The following ATP8B4 variants were observed in gnomAD, a reference collection of about 807,000 sequenced individuals.
ATP8B4 encodes ATPase phospholipid transporting 8B4 (putative), also known as probable phospholipid-transporting ATPase IM.
In ATP8B4, 133 loss-of-function variants were observed where a neutral mutation model predicts 145.6. The ratio of observed to expected loss-of-function variants is 0.91; its 90% CI spans 0.79 to 1.05. ATP8B4 has a LOEUF of 1.05. ATP8B4 is among the 50% of genes least tolerant of loss of function. The pLI, the probability that ATP8B4 is intolerant of heterozygous loss-of-function variation, is 0.00. For synonymous variants in ATP8B4, 507 were observed against 492.9 expected, an observed-to-expected ratio of 1.03 and a Z score of -0.38; for missense variants, 1,458 against 1,425.2, an observed-to-expected ratio of 1.02 and a Z score of -0.37.
chr15:50,002,771 G>A (rs1227140049), intron 7 of ATP8B4, among the ~76,000 whole-genome samples: 1 of 152,066 alleles, frequency 6.6e-6, no homozygotes, highest in East Asian at 1.9e-4. Context: ...GGAGAGCTAA[G>A]ATAAAGTAGG....
intron 3 of ATP8B4, among the ~76,000 whole-genome samples, chr15:50,071,703 T>C (rs996088383): frequency 6.6e-6 from 1 of 152,214 alleles, no homozygotes; most frequent in African/African-American, 2.4e-5. Flanking sequence ...AATGACCATA[T>C]GTCAGGAGGC....
intron 7 of ATP8B4, among the ~76,000 whole-genome samples, chr15:50,003,132 C>T (rs1428663563): frequency 6.6e-6 from 1 of 152,058 alleles, no homozygotes; most frequent in East Asian, 1.9e-4. Flanking sequence ...ATTGGCATTC[C>T]AAATCTGTGA....
Position 50,086,897 on chromosome 15 carries a change from TAG to T in ATP8B4, c.29-12714_29-12713del, listed in dbSNP as rs1365298891. Among the ~76,000 whole-genome samples, 11 of 85,304 alleles carry T rather than the reference TAG, an allele frequency of 1.3e-4. 1 individual carries two copies. The highest frequency in any genetic ancestry group is 2.3e-4 in the Non-Finnish European group (11 of 47,358). The allele number at this position is 85,304 out of a possible 152,430, so 56.0% of individuals were successfully genotyped here. A position where few individuals can be genotyped will look rare whatever the true frequency, so the allele number is the denominator to read the frequency against. ...ATATTTATTATATATAATAAAATAA[TAG>T]AGATCTATATTATTATATATAATAA... On this transcript the variant is annotated intron_variant, in intron 2 of 27. Transcript: ENST00000284509.
intron 1 of ATP8B4, among the ~76,000 whole-genome samples, chr15:50,133,636 TCA>T (rs1233963738): frequency 2.0e-5 from 3 of 151,680 alleles, no homozygotes; most frequent in Non-Finnish European, 4.4e-5. Flanking sequence ...AAAGTCAAAC[TCA>T]CAGAAGCAGA....
In ATP8B4 at chr15:50,168,584, G is replaced by C. The variant is rs574312586; in HGVS notation, c.-43+13677C>G. Among the ~76,000 whole-genome samples the C allele has an allele frequency of 4.6e-5, 7 of 152,306 alleles. No individual in the cohort carries two copies. In the East Asian group the frequency reaches 1.4e-3, roughly 29 times the overall value. On this transcript the variant is annotated intron_variant, in intron 1 of 3. Transcript: ENST00000558829. Reference sequence around the variant, plus strand: ...TGCCTGACACCAAAGAGATCCATCAGGAGGGTGAACAGAGGAGCAGGGGGT... The same window carrying C: ...TGCCTGACACCAAAGAGATCCATCACGAGGGTGAACAGAGGAGCAGGGGGT...
intron 1 of ATP8B4, among the ~76,000 whole-genome samples, chr15:50,137,754 A>C (rs2044142527): frequency 6.6e-6 from 1 of 152,200 alleles, no homozygotes; most frequent in African/African-American, 2.4e-5. Context: ...TTAGAGACAT[A>C]TACAGTGTTA....
intron 1 of ATP8B4, among the ~76,000 whole-genome samples, chr15:50,144,393 T>C (rs1338586838): frequency 6.6e-6 from 1 of 152,222 alleles, no homozygotes; most frequent in African/African-American, 2.4e-5. Context: ...GAAAAGAGGT[T>C]TGATTGACTC....
intron 25 of ATP8B4, among the ~76,000 whole-genome samples, chr15:49,875,080 T>TCA (rs1266890312): frequency 1.3e-5 from 2 of 152,134 alleles, no homozygotes; most frequent in African/African-American, 2.4e-5. Context: ...AACACCAGTT[T>TCA]CACACACACA....
chr15:49,886,134 G>A (rs1367487860), intron 23 of ATP8B4, among the ~76,000 whole-genome samples: 2 of 152,158 alleles, frequency 1.3e-5, no homozygotes, highest in Non-Finnish European at 2.9e-5. Flanking sequence ...AGCTACTTGA[G>A]AGCGGGTAAT....
intron 1 of ATP8B4, among the ~76,000 whole-genome samples, chr15:50,133,667 C>A (rs1286287041): frequency 6.6e-6 from 1 of 151,932 alleles, no homozygotes; most frequent in Admixed American, 6.6e-5. Context: ...TAAGCAGTTG[C>A]CAGGGGCTGG....
chr15:50,020,924 A>G (rs981106197), intron 6 of ATP8B4, among the ~76,000 whole-genome samples: 2 of 152,220 alleles, frequency 1.3e-5, no homozygotes, highest in African/African-American at 4.8e-5. Flanking sequence ...AGATAACAGA[A>G]TATGACATAC....
intron 14 of ATP8B4, among the ~76,000 whole-genome samples, chr15:49,937,637 T>C (rs758726057): frequency 6.6e-6 from 1 of 152,152 alleles, no homozygotes; most frequent in Non-Finnish European, 1.5e-5. Context: ...TCTTAGACTA[T>C]CTATGGTTTG....
At chr15:49,878,092 C>T (rs1208405997) in intron 24 of ATP8B4, among the ~76,000 whole-genome samples, 1 of 152,166 alleles carries the variant, frequency 6.6e-6, no homozygotes, top group African/African-American at 2.4e-5. Flanking sequence ...GAGGAGCAGA[C>T]ACTCAACTTG....
intron 1 of ATP8B4, among the ~76,000 whole-genome samples, chr15:50,153,695 G>A (rs1435069121): frequency 2.0e-5 from 3 of 152,234 alleles, no homozygotes; most frequent in Non-Finnish European, 2.9e-5. Flanking sequence ...TACAAATCAC[G>A]TGCAACAAGA....
At chr15:49,967,988 G>C (rs2044709818) in intron 13 of ATP8B4, among the ~76,000 whole-genome samples, 1 of 152,148 alleles carries the variant, frequency 6.6e-6, no homozygotes, top group South Asian at 2.1e-4. Flanking sequence ...TTAAAGTAAA[G>C]AATTTTCAAC....
chr15:50,113,867 C>CAAAAAAAAA (rs2057067865), intron 1 of ATP8B4, among the ~76,000 whole-genome samples: 1 of 119,364 alleles, frequency 8.4e-6, no homozygotes, highest in African/African-American at 3.3e-5. Context: ...AAAAAAAAAG[C>CAAAAAAAAA]CAAATTTATA....
Position 49,982,045 on chromosome 15 carries a change from G to A in ATP8B4, c.749-751C>T, listed in dbSNP as rs4774552. On this transcript the variant is annotated intron_variant, in intron 10 of 27. Coordinates refer to ENST00000284509, the MANE Select transcript of ATP8B4 (RefSeq NM_024837.4). ...TGGACAGAGAAAATGCTAAATAGAA[G>A]CAATTAAGTTTTAATTAAAGCTAAT... 2.3e-3 allele frequency among the ~76,000 whole-genome samples: 344 copies of A among 152,186 alleles called. 1 individual carries two copies. Among genetic ancestry groups the A allele is most frequent in the Admixed American group, 6.0e-3 (92 of 15,266 alleles).
Position 50,044,618 on chromosome 15 carries a change from A to G in ATP8B4, c.276T>C (p.Ala92=), listed in dbSNP as rs2051577633. 6.2e-7 allele frequency: 1 copy of G among 1,612,540 alleles called. No individual in the cohort carries two copies. Among genetic ancestry groups the G allele is most frequent in the Admixed American group, 1.7e-5 (1 of 59,890 alleles). The part of the protein sequence containing the change: ...VPLVLVITMT[A]VKDATDDYFR... ...CATAGTCATCTGTGGCATCTTTGAC[A>G]GCTGTCATAGTTATCACCAGGACCA... Residue 92 remains alanine (A), a synonymous_variant, in exon 5 of 28, where the codon GCT becomes GCC. Coordinates refer to ENST00000284509, the MANE Select transcript of ATP8B4 (RefSeq NM_024837.4).
rs939018524 is a variant in ATP8B4 at position 50,058,745 on chromosome 15, C to T, written c.88-11281G>A. Among the ~76,000 whole-genome samples, 7 of 152,120 alleles carry T rather than the reference C, an allele frequency of 4.6e-5. 1 individual carries two copies. Among genetic ancestry groups the T allele is most frequent in the Non-Finnish European group, 7.4e-5 (5 of 68,018 alleles). Reference sequence around the variant, plus strand: ...CCTGATCCACTCATGAAGGTGTTCTCCTGCAACAGTCCTAGCCTTTCCTGG... The same window carrying T: ...CCTGATCCACTCATGAAGGTGTTCTTCTGCAACAGTCCTAGCCTTTCCTGG... On this transcript the variant is annotated intron_variant, in intron 3 of 27. Transcript: ENST00000284509.
Sources: allele counts gnomAD v4.1 joint callset (sites outside exome capture counted in the v4.1 genomes callset), GRCh38; gene constraint gnomAD v4.1.1; transcripts MANE v1.5; gene names NCBI Gene and HGNC (gene_info 2026-07-23, HGNC 2026-07-21).